Variants in LARGE1 observed in about 807,000 individuals in gnomAD.
LARGE1 encodes LARGE xylosyl- and glucuronyltransferase 1.
LARGE1 carries 43 observed loss-of-function variants against 87.6 expected under a neutral mutation model. That is an observed-to-expected ratio of 0.49 (90% CI 0.38 to 0.63). LARGE1 has a LOEUF of 0.63. Ranked by LOEUF, LARGE1 falls within the 30% of genes least tolerant of loss-of-function variation. The pLI, the probability that LARGE1 is intolerant of heterozygous loss-of-function variation, is 0.00. For synonymous variants in LARGE1, 434 were observed against 394.6 expected, an observed-to-expected ratio of 1.10 and a Z score of -1.18; for missense variants, 802 against 1,000.2, an observed-to-expected ratio of 0.80 and a Z score of 2.67.
intron 2 of LARGE1, among the ~76,000 whole-genome samples, chr22:33,752,400 A>C (rs528706538): frequency 6.6e-6 from 1 of 152,294 alleles, no homozygotes; most frequent in Admixed American, 6.5e-5. Flanking sequence ...CAAAATCAAA[A>C]AATAAAATAA....
chr22:33,891,482 G>T (rs944540785), intron 1 of LARGE1, among the ~76,000 whole-genome samples: 1 of 151,178 alleles, frequency 6.6e-6, no homozygotes, highest in Admixed American at 6.6e-5. Flanking sequence ...ATTCTATTAG[G>T]AGAGACAGGT....
chr22:33,652,638 ACTTC>A (rs1295889304), intron 2 of LARGE1, among the ~76,000 whole-genome samples: 1 of 152,092 alleles, frequency 6.6e-6, no homozygotes, highest in Non-Finnish European at 1.5e-5. Context: ...CTTTTTCCAT[ACTTC>A]AAGTTTTTCC....
rs903025001 is a variant in LARGE1, at chr22:33,458,846, C to T, written c.788-26581G>A. 6.6e-5 allele frequency among the ~76,000 whole-genome samples: 10 copies of T among 152,040 alleles called. No homozygotes were observed. The South Asian group carries it at 8.3e-4, about 13-fold the overall frequency. ...GAGCAGGCATTACATATGCTAAACACGAGAACATGAAAATAATCCTTGCCC... is the reference window on the plus strand; with the variant it reads ...GAGCAGGCATTACATATGCTAAACATGAGAACATGAAAATAATCCTTGCCC... On this transcript the variant is annotated intron_variant, in intron 6 of 14. Transcript: ENST00000397394.
chr22:33,285,779 A>G (rs1405047813), intron 12 of LARGE1, among the ~76,000 whole-genome samples: 1 of 152,226 alleles, frequency 6.6e-6, no homozygotes. Flanking sequence ...AAGTTAGCCC[A>G]GGCCTGAATG....
intron 12 of LARGE1, among the ~76,000 whole-genome samples, chr22:33,302,513 C>T (rs571791598): frequency 6.6e-6 from 1 of 152,298 alleles, no homozygotes; most frequent in African/African-American, 2.4e-5. Context: ...GCTGCCTGAC[C>T]TTGCTCCAGA....
chr22:33,433,463 GCGGGCAC>G (rs2067153383), intron 6 of LARGE1, among the ~76,000 whole-genome samples: 1 of 151,960 alleles, frequency 6.6e-6, no homozygotes, highest in South Asian at 2.1e-4. Flanking sequence ...AGGCGTGGTG[GCGGGCAC>G]CTGTAGTCCC....
intron 1 of LARGE1, among the ~76,000 whole-genome samples, chr22:33,795,446 CAA>C (rs1222703499): frequency 6.6e-6 from 1 of 151,930 alleles, no homozygotes; most frequent in Non-Finnish European, 1.5e-5. Flanking sequence ...GAGAGAGAGA[CAA>C]AGAGAGAAAC....
At chr22:33,333,013 C>CTTTTTTTTTTTTTTTTT (rs113084979) in intron 10 of LARGE1, among the ~76,000 whole-genome samples, 3 of 140,520 alleles carry the variant, frequency 2.1e-5, no homozygotes, top group African/African-American at 5.7e-5. Context: ...GGGCAATGTC[C>CTTTTTTTTTTTTTTTTT]TTTTTTTTTT....
At chr22:33,075,149 A>G in the LARGE1 span, among the ~76,000 whole-genome samples, 1 of 152,194 alleles carries the variant, frequency 6.6e-6, no homozygotes, top group Non-Finnish European at 1.5e-5. Context: ...TTCTTTACCA[A>G]GAGACAGTGA....
chr22:33,880,943 T>C (rs984947713), intron 1 of LARGE1, among the ~76,000 whole-genome samples: 29 of 152,244 alleles, frequency 1.9e-4, no homozygotes, highest in African/African-American at 7.0e-4. Flanking sequence ...TTTAATATAC[T>C]TTGAATGTAT....
intron 1 of LARGE1, among the ~76,000 whole-genome samples, chr22:33,770,617 G>C (rs1288261015): frequency 6.6e-6 from 1 of 152,056 alleles, no homozygotes; most frequent in Admixed American, 6.6e-5. Context: ...CAAAGGGTTT[G>C]AGGCTGCAGT....
At chr22:33,222,966 C>T (rs1602111971) in intron 11 of LARGE1, among the ~76,000 whole-genome samples, 1 of 152,156 alleles carries the variant, frequency 6.6e-6, no homozygotes, top group African/African-American at 2.4e-5. Context: ...GGTCTGCCTA[C>T]CTGCACCCTT....
chr22:33,101,380 A>C, the LARGE1 span, among the ~76,000 whole-genome samples: 1 of 152,238 alleles, frequency 6.6e-6, no homozygotes, highest in African/African-American at 2.4e-5. Flanking sequence ...AACAGGGAAA[A>C]TAATAATATC....
chr22:33,125,661 G>A, the LARGE1 span, among the ~76,000 whole-genome samples: 1 of 152,208 alleles, frequency 6.6e-6, no homozygotes, highest in Non-Finnish European at 1.5e-5. Context: ...TGGCCAAGAT[G>A]ATCTCGATCT....
intron 6 of LARGE1, among the ~76,000 whole-genome samples, chr22:33,474,013 T>C (rs1026356562): frequency 6.6e-6 from 1 of 152,080 alleles, no homozygotes; most frequent in African/African-American, 2.4e-5. Context: ...GGAAAGGAGG[T>C]TGGTCTGCCT....
At chr22:33,792,732 T>C (rs1019684799) in intron 1 of LARGE1, among the ~76,000 whole-genome samples, 1 of 152,098 alleles carries the variant, frequency 6.6e-6, no homozygotes, top group Non-Finnish European at 1.5e-5. Flanking sequence ...TCTTCCTCCA[T>C]AGGAAATGTA....
chr22:33,101,641 T>C, the LARGE1 span, among the ~76,000 whole-genome samples: 2 of 152,188 alleles, frequency 1.3e-5, no homozygotes, highest in Non-Finnish European at 2.9e-5. Flanking sequence ...ATGAAGCAGA[T>C]GTCTCACGAT....
At chr22:33,114,045 A>ATTTTTTTTTTTTTTTTTTT in the LARGE1 span, among the ~76,000 whole-genome samples, 7 of 135,716 alleles carry the variant, frequency 5.2e-5, no homozygotes, top group African/African-American at 8.3e-5. Context: ...TAATTTTTCT[A>ATTTTTTTTTTTTTTTTTTT]TTTTTTTTTT....
chr22:33,279,028 T>G (rs568731139), intron 13 of LARGE1, among the ~76,000 whole-genome samples: 2 of 152,224 alleles, frequency 1.3e-5, no homozygotes, highest in East Asian at 3.9e-4. Context: ...GGGTCACCTC[T>G]CTTATATGTC....
Sources: allele counts gnomAD v4.1 joint callset (sites outside exome capture counted in the v4.1 genomes callset), GRCh38; gene constraint gnomAD v4.1.1; transcripts MANE v1.5; gene names NCBI Gene and HGNC (gene_info 2026-07-23, HGNC 2026-07-21).